TIAM1: variants seen among roughly 807,000 people sequenced by gnomAD.
TIAM1 encodes the protein rho guanine nucleotide exchange factor TIAM1.
TIAM1 carries 65 observed loss-of-function variants against 163.5 expected under a neutral mutation model. The ratio of observed to expected loss-of-function variants is 0.40; its 90% CI spans 0.33 to 0.49. The LOEUF (loss-of-function observed/expected upper bound fraction) is 0.49. TIAM1 is among the 20% of genes least tolerant of loss of function. The pLI, the probability that TIAM1 is intolerant of heterozygous loss-of-function variation, is 0.77. For missense variants in TIAM1, 1,789 were observed against 2,044.7 expected (o/e 0.87, Z 2.41); for synonymous variants, 833 against 810.1 (o/e 1.03, Z -0.48).
At chr21:31,281,037 C>A (rs2073529914) in intron 2 of TIAM1, among the ~76,000 whole-genome samples, 1 of 148,258 alleles carries the variant, frequency 6.7e-6, no homozygotes, top group African/African-American at 2.5e-5. Flanking sequence ...ATCCCTTGAG[C>A]CCAGGAGTTT....
At chr21:31,336,420 C>A (rs1276362519) in intron 2 of TIAM1, among the ~76,000 whole-genome samples, 2 of 151,526 alleles carry the variant, frequency 1.3e-5, no homozygotes, top group East Asian at 3.9e-4. Flanking sequence ...ACTTGAGCAG[C>A]TGCAGTGTGA....
intron 14 of TIAM1, among the ~76,000 whole-genome samples, chr21:31,183,628 C>T (rs1487982693): frequency 5.3e-5 from 8 of 152,144 alleles, no homozygotes; most frequent in Admixed American, 2.0e-4. Context: ...AAGAAGTTCT[C>T]GCTTCCCAGC....
At chr21:31,122,816 C>T (rs180797956) in intron 27 of TIAM1, among the ~76,000 whole-genome samples, 49 of 152,238 alleles carry the variant, frequency 3.2e-4, no homozygotes, top group Non-Finnish European at 6.0e-4. Flanking sequence ...CTTAAGAACC[C>T]GGCTACCATT....
At position 31,266,233 on chromosome 21, in the gene TIAM1, C is replaced by A. The variant is rs2070417; in HGVS notation, c.740G>T (p.Gly247Val). 201,262 of 1,613,994 alleles carry A rather than the reference C, an allele frequency of 0.12. 17,286 individuals are homozygous for A. Among genetic ancestry groups the A allele is most frequent in the East Asian group, 0.38 (16,979 of 44,820 alleles). Residue 247 changes from glycine to valine, a missense_variant, in exon 4 of 28, where the codon GGG becomes GTG. Gly to Val is a moderately radical substitution (Grantham distance 109). This residue lies in a region of TIAM1 where 555 missense variants were observed against 564.9 expected (regional missense o/e 0.98). Coordinates refer to ENST00000541036, the MANE Select transcript of TIAM1 (RefSeq NM_001353694.2). Reference protein sequence around the residue: ...AQKNSGVTANGGPGSKFAGYC... With the variant: ...AQKNSGVTANVGPGSKFAGYC... ...GCCTGCAAATTTGCTCCCCGGCCCC[C>A]CGTTTGCTGTCACTCCAGAGTTTTT...
intron 2 of TIAM1, among the ~76,000 whole-genome samples, chr21:31,448,514 G>A (rs1474760269): frequency 3.3e-5 from 5 of 151,420 alleles, no homozygotes; most frequent in East Asian, 1.9e-4. Flanking sequence ...GCTGAGGGAC[G>A]AGAATTGCTC....
rs1321819802 is a variant in TIAM1, at chr21:31,210,715, GA to G, written c.2218-501del. ...AAAGAAAGAAAGAAAGAGAAAGAAAGAGAAAGAAAGAAAGAGAAAGAAGGAA... is the reference window on the plus strand; with the variant it reads ...AAAGAAAGAAAGAAAGAGAAAGAAAGGAAAGAAAGAAAGAGAAAGAAGGAA... On this transcript the variant is annotated intron_variant, in intron 10 of 27. Coordinates refer to ENST00000541036, the MANE Select transcript of TIAM1 (RefSeq NM_001353694.2). 6.5e-3 allele frequency among the ~76,000 whole-genome samples: 630 copies of G among 97,340 alleles called. 18 individuals carry two copies. The highest frequency in any genetic ancestry group is 0.023 in the East Asian group (71 of 3,112). 63.9% of individuals were successfully genotyped at this position (97,340 alleles called of 152,430 possible). A position where few individuals can be genotyped will look rare whatever the true frequency, so the allele number is the denominator to read the frequency against.
chr21:31,398,324 T>G (rs924602059), intron 2 of TIAM1, among the ~76,000 whole-genome samples: 1 of 152,174 alleles, frequency 6.6e-6, no homozygotes, highest in African/African-American at 2.4e-5. Context: ...TCCTTCTGAA[T>G]GAAGAACTGT....
chr21:31,444,788 C>T (rs548240201), intron 2 of TIAM1, among the ~76,000 whole-genome samples: 3 of 152,276 alleles, frequency 2.0e-5, no homozygotes, highest in Admixed American at 6.5e-5. Flanking sequence ...CACCTGAGGT[C>T]GGGAGCTTGA....
chr21:31,388,584 G>A (rs924844519), intron 2 of TIAM1, among the ~76,000 whole-genome samples: 1 of 152,146 alleles, frequency 6.6e-6, no homozygotes, highest in African/African-American at 2.4e-5. Context: ...TTTGAGCCTA[G>A]GACTTGGAGG....
intron 1 of TIAM1, among the ~76,000 whole-genome samples, chr21:31,475,062 T>TTATTATTATTATTATTATTATTA (rs374227573): frequency 2.6e-5 from 2 of 75,934 alleles, no homozygotes; most frequent in South Asian, 4.3e-4. Context: ...ATTATTATTA[T>TTATTATTATTATTATTATTATTA]TTAGTTTTAG....
At chr21:31,513,241 C>T (rs1466161519) in intron 1 of TIAM1, among the ~76,000 whole-genome samples, 1 of 152,142 alleles carries the variant, frequency 6.6e-6, no homozygotes, top group African/African-American at 2.4e-5. Context: ...CTCATTTAAT[C>T]CTCACAATGA....
chr21:31,430,940 C>A (rs1260706666), intron 2 of TIAM1, among the ~76,000 whole-genome samples: 12 of 152,170 alleles, frequency 7.9e-5, no homozygotes, highest in Non-Finnish European at 1.8e-4. Context: ...AACTTCTTGG[C>A]ATGATCTGGC....
At chr21:31,423,223 C>A (rs190062862) in intron 2 of TIAM1, among the ~76,000 whole-genome samples, 10 of 151,136 alleles carry the variant, frequency 6.6e-5, no homozygotes, top group Admixed American at 2.0e-4. Context: ...CTCAGTCTCC[C>A]GAGTAGCTGG....
Position 31,395,110 on chromosome 21 carries a change from T to C in TIAM1, c.-368-55688A>G, listed in dbSNP as rs963938185. 2.6e-5 allele frequency among the ~76,000 whole-genome samples: 4 copies of C among 152,024 alleles called. No individual in the cohort carries two copies. Among genetic ancestry groups the C allele is most frequent in the Admixed American group, 6.6e-5 (1 of 15,252 alleles). ...AACATTAGCCAGGCATGGTGGCGCG[T>C]GCCTGTAGTCCCAGCTACTTGGGAG... On this transcript the variant is annotated intron_variant, in intron 2 of 28. Transcript: ENST00000286827. The surrounding 1 kb of genome is among the most constrained non-coding windows in gnomAD (Gnocchi z 7.5).
At chr21:31,294,960 C>T (rs902289077) in intron 2 of TIAM1, among the ~76,000 whole-genome samples, 1 of 152,182 alleles carries the variant, frequency 6.6e-6, no homozygotes, top group South Asian at 2.1e-4. Context: ...ATCTGCGCTG[C>T]GCCACCCAGC....
At chr21:31,173,668 T>C (rs890806653) in intron 15 of TIAM1, among the ~76,000 whole-genome samples, 3 of 152,222 alleles carry the variant, frequency 2.0e-5, no homozygotes. Flanking sequence ...AAGAGAAATT[T>C]AAAATTCCAT....
At chr21:31,394,706 T>TCG (rs1289393578) in intron 2 of TIAM1, among the ~76,000 whole-genome samples, 1 of 93,562 alleles carries the variant, frequency 1.1e-5, no homozygotes, top group African/African-American at 4.8e-5. Flanking sequence ...TCTCTCTCTC[T>TCG]CGCTCTCTCT....
At chr21:31,322,966 G>A (rs2075365674) in intron 2 of TIAM1, among the ~76,000 whole-genome samples, 2 of 152,140 alleles carry the variant, frequency 1.3e-5, no homozygotes, top group Non-Finnish European at 2.9e-5. Flanking sequence ...AACGCTGTAG[G>A]TGCACTTCAG....
At chr21:31,290,362 G>A (rs2073971708) in intron 2 of TIAM1, among the ~76,000 whole-genome samples, 1 of 152,006 alleles carries the variant, frequency 6.6e-6, no homozygotes, top group East Asian at 1.9e-4. Flanking sequence ...GGCTGGGCAT[G>A]GTGACTCACG....
Sources: gnomAD v4.1 joint callset for allele counts (sites outside exome capture counted in the v4.1 genomes callset) on GRCh38, gnomAD v4.1.1 for gene constraint, gnomAD v4.1.1 regional missense constraint, Gnocchi (gnomAD v3.1) non-coding constraint, MANE v1.5 for transcripts, NCBI Gene and HGNC (gene_info 2026-07-23, HGNC 2026-07-21) for gene names.